The following GART variants were observed in gnomAD, a reference collection of about 807,000 sequenced individuals.
GART encodes trifunctional purine biosynthetic protein adenosine-3.
In GART, 43 loss-of-function variants were observed where a neutral mutation model predicts 107.2. The observed-to-expected ratio is 0.40, with a 90% confidence interval of 0.31 to 0.52. The LOEUF is 0.52. GART is among the 20% of genes least tolerant of loss of function. The pLI is 0.52. For synonymous variants in GART, 434 were observed against 427.0 expected, an observed-to-expected ratio of 1.02 and a Z score of -0.20; for missense variants, 1,107 against 1,206.5, an observed-to-expected ratio of 0.92 and a Z score of 1.22.
chr21:33,518,807 A>G (rs1293747996), intron 14 of GART: 5 of 519,090 alleles, frequency 9.6e-6, no homozygotes, highest in African/African-American at 5.8e-5. Context: ...CGGTCTCCTT[A>G]AACTAGTCAG....
chr21:33,511,534 G>T, intron 16 of GART, 76 bp from the exon 17 acceptor site: 2 of 1,398,522 alleles, frequency 1.4e-6, no homozygotes, highest in Admixed American at 1.7e-5. Context: ...CATATTCAAA[G>T]ATGTGGAAAT....
Position 33,528,905 on chromosome 21 carries a change from A to T in GART, c.756T>A (p.Asp252Glu). 6.2e-7 allele frequency: 1 copy of T among 1,613,282 alleles called. No homozygotes were observed. The highest frequency in any genetic ancestry group is 1.1e-5 in the South Asian group (1 of 91,066). Reference sequence around the variant, plus strand: ...CATCCACTGTCCTCTGAAGAACAGTATCTTTAATTTTTAGTAATAGATCAT... The same window carrying T: ...CATCCACTGTCCTCTGAAGAACAGTTTCTTTAATTTTTAGTAATAGATCAT... The part of the protein sequence containing the change: ...VSNDLLLKIK[D>E]TVLQRTVDGM... The change falls in exon 8 of 22, where the codon GAT becomes GAA. Residue 252 changes from aspartate to glutamate, a missense_variant. Physicochemically the swap from Asp to Glu is conservative, Grantham distance 45. Coordinates refer to ENST00000381815, the MANE Select transcript of GART (RefSeq NM_000819.5).
intron 7 of GART, 142 bp downstream of exon 7, chr21:33,530,617 T>C: frequency 2.4e-6 from 2 of 845,150 alleles, no homozygotes; most frequent in South Asian, 5.1e-5. Context: ...CCAGAAAAGA[T>C]ACTCCTCATT....
At chr21:33,537,179 T>G (rs1025453831) in intron 2 of GART, among the ~76,000 whole-genome samples, 1 of 152,166 alleles carries the variant, frequency 6.6e-6, no homozygotes, top group African/African-American at 2.4e-5. Context: ...ATGATGATCT[T>G]AAGAGATTTT....
chr21:33,541,310 C>A (rs1484546852), intron 1 of GART, among the ~76,000 whole-genome samples: 1 of 152,100 alleles, frequency 6.6e-6, no homozygotes, highest in African/African-American at 2.4e-5. Flanking sequence ...CCACGCCAGG[C>A]GAATTTTTGT....
At chr21:33,520,626 T>C (rs2145713841) in intron 13 of GART, 64 bp from the exon 14 acceptor site, 1 of 1,409,186 alleles carries the variant, frequency 7.1e-7, no homozygotes, top group Non-Finnish European at 9.8e-7. Flanking sequence ...CTTATCCATT[T>C]GATTAGCTGC....
intron 17 of GART, among the ~76,000 whole-genome samples, chr21:33,510,756 T>C (rs2084771469): frequency 6.6e-6 from 1 of 152,062 alleles, no homozygotes; most frequent in Non-Finnish European, 1.5e-5. Flanking sequence ...GTCAACAAGG[T>C]CTGACATTTT....
In GART at chr21:33,534,602, T is replaced by C. The variant is rs1463021338; in HGVS notation, c.393A>G (p.Glu131=). ...ACCTCAAAATGAAGCTGCAGGCTTC[T>C]TCAGGTTTGGTGAAAGCCTTCCATT... ...TAQWKAFTKP[E]EACSFILSAD... The change falls in exon 4 of 22, where the codon GAA becomes GAG. Residue 131 remains glutamate, a synonymous_variant. Coordinates refer to ENST00000381815, the MANE Select transcript of GART (RefSeq NM_000819.5). 6.2e-7 allele frequency: 1 copy of C among 1,614,184 alleles called. No individual in the cohort carries two copies. The highest frequency in any genetic ancestry group is 8.5e-7 in the Non-Finnish European group (1 of 1,180,010).
At chr21:33,537,144 T>C (rs2085321661) in intron 2 of GART, among the ~76,000 whole-genome samples, 2 of 152,172 alleles carry the variant, frequency 1.3e-5, no homozygotes, top group Admixed American at 6.5e-5. Flanking sequence ...TTTAGTAGTC[T>C]TACAAGACTA....
intron 14 of GART, among the ~76,000 whole-genome samples, 181 bp downstream of exon 14, chr21:33,520,183 T>C (rs1395259990): frequency 1.3e-5 from 2 of 152,192 alleles, no homozygotes; most frequent in Admixed American, 6.5e-5. Flanking sequence ...GCTTTGAAGG[T>C]AGCAGGCTCT....
chr21:33,524,482 A>C (rs2085031396), intron 11 of GART: 2 of 757,416 alleles, frequency 2.6e-6, no homozygotes, highest in Non-Finnish European at 3.3e-6. Flanking sequence ...AGAGAGGAAG[A>C]CCCTGTTAAA....
Position 33,509,869 on chromosome 21 carries a change from C to T in GART, c.2366G>A (p.Gly789Glu). 1 of 1,613,224 alleles carries T rather than the reference C, an allele frequency of 6.2e-7. No individual in the cohort carries two copies. Among genetic ancestry groups the T allele is most frequent in the South Asian group, 1.1e-5 (1 of 91,034 alleles). Residue 789 changes from glycine (G) to glutamate (E), a missense_variant, in exon 18 of 22, where the codon GGG becomes GAG. By Grantham distance (98) the Gly-to-Glu change is moderately conservative. Coordinates refer to ENST00000381815, the MANE Select transcript of GART (RefSeq NM_000819.5). Reference sequence around the variant, plus strand: ...CAGGGAGCCATTCTTCAACACTGACCCATTTATTTGCATGCTTTCAATCAG... The same window carrying T: ...CAGGGAGCCATTCTTCAACACTGACTCATTTATTTGCATGCTTTCAATCAG... ...KNLIESMQIN[G>E]SVLKNGSLTN...
chr21:33,510,822 G>T (rs1395496563), intron 17 of GART, among the ~76,000 whole-genome samples: 3 of 151,812 alleles, frequency 2.0e-5, no homozygotes, highest in Non-Finnish European at 4.4e-5. Flanking sequence ...ATTTTAGTAT[G>T]TGTCCTGCCA....
chr21:33,534,743 C>T lies in GART; in HGVS notation c.252G>A (p.Gly84=), dbSNP rs773415473. 94 of 1,580,416 alleles carry T rather than the reference C, an allele frequency of 5.9e-5. No homozygotes were observed. The South Asian group carries it at 9.8e-4, about 16-fold the overall frequency. ...PEAPLAAGIV[G]NLRSAGVQCF... is the part of the protein sequence containing the mutation. ...ATTGCACTCCTGCAGACCTCAGGTT[C>T]CCAACAATCCCTATTGATGAAAACA... Residue 84 remains glycine, a synonymous_variant, in exon 4 of 22, where the codon GGG becomes GGA. Coordinates refer to ENST00000381815, the MANE Select transcript of GART (RefSeq NM_000819.5).
At chr21:33,532,166 C>T in intron 5 of GART, 179 bp downstream of exon 5, 2 of 567,916 alleles carry the variant, frequency 3.5e-6, no homozygotes, top group South Asian at 4.6e-5. Context: ...GTTTAATTTA[C>T]AGTGTAAATC....
intron 18 of GART, 88 bp downstream of exon 18, chr21:33,509,695 C>A: frequency 7.2e-7 from 1 of 1,389,658 alleles, no homozygotes. Flanking sequence ...TAGACTCTGC[C>A]GAGAGTAACC....
intron 11 of GART, 31 bp from the exon 12 acceptor site, chr21:33,522,313 A>C: frequency 2.1e-6 from 3 of 1,422,982 alleles, no homozygotes; most frequent in Non-Finnish European, 2.0e-6. Context: ...CATCACCTAA[A>C]CGTCAGGGAA....
intron 14 of GART, among the ~76,000 whole-genome samples, chr21:33,519,300 T>C (rs1453271600): frequency 6.6e-6 from 1 of 152,108 alleles, no homozygotes; most frequent in East Asian, 1.9e-4. Context: ...ATGCCTGTAA[T>C]CCCAGCACTT....
chr21:33,537,531 A>T (rs2085327968), intron 2 of GART, among the ~76,000 whole-genome samples: 1 of 152,202 alleles, frequency 6.6e-6, no homozygotes. Context: ...TAGTGAAGTA[A>T]AAATAAACAC....
Sources: allele counts gnomAD v4.1 joint callset (sites outside exome capture counted in the v4.1 genomes callset), GRCh38; gene constraint gnomAD v4.1.1; transcripts MANE v1.5; gene names NCBI Gene and HGNC (gene_info 2026-07-23, HGNC 2026-07-21).